The following PPARGC1A variants were observed in gnomAD, a reference collection of about 807,000 sequenced individuals.
The protein encoded by PPARGC1A is peroxisome proliferator-activated receptor gamma coactivator 1-alpha.
A neutral mutation model predicts 88.7 loss-of-function variants in PPARGC1A; 25 were observed. The observed-to-expected ratio is 0.28, with a 90% CI of 0.21 to 0.39. The LOEUF (loss-of-function observed/expected upper bound fraction) is 0.39, where lower values mean the gene tolerates loss of function less well. Among genes scored for constraint, PPARGC1A ranks in the 10% least tolerant of loss-of-function variants. The pLI is 1.00. For missense variants in PPARGC1A, 880 were observed against 968.7 expected (o/e 0.91, Z 1.22); for synonymous variants, 363 against 355.6 (o/e 1.02, Z -0.24).
At chr4:23,900,147 T>G (rs952960649), upstream of PPARGC1A, among the ~76,000 whole-genome samples, 2 of 152,180 alleles carry the variant, frequency 1.3e-5, no homozygotes, top group Non-Finnish European at 2.9e-5. Flanking sequence ...ACAAAGCCAC[T>G]TTAAGTTTCT....
At chr4:24,283,796 G>C in the PPARGC1A span, among the ~76,000 whole-genome samples, 11 of 152,262 alleles carry the variant, frequency 7.2e-5, no homozygotes, top group East Asian at 1.9e-4. Context: ...CTTCAGCTCT[G>C]TACACACAGA....
chr4:24,169,281 G>A, the PPARGC1A span, among the ~76,000 whole-genome samples: 2 of 152,184 alleles, frequency 1.3e-5, no homozygotes, highest in Non-Finnish European at 2.9e-5. Context: ...AGCTGTCACA[G>A]ACAAGAGGAG....
the PPARGC1A span, among the ~76,000 whole-genome samples, chr4:24,292,258 C>T: frequency 2.0e-5 from 3 of 152,166 alleles, no homozygotes; most frequent in African/African-American, 7.2e-5. Context: ...CGAGAACTCT[C>T]GCGGGTTGCT....
At chr4:24,153,144 G>A in the PPARGC1A span, among the ~76,000 whole-genome samples, 2 of 152,122 alleles carry the variant, frequency 1.3e-5, no homozygotes, top group African/African-American at 2.4e-5. Context: ...CTATAGAGGA[G>A]CATAGAGTGT....
chr4:24,294,904 T>C, the PPARGC1A span, among the ~76,000 whole-genome samples: 1 of 152,166 alleles, frequency 6.6e-6, no homozygotes, highest in African/African-American at 2.4e-5. Flanking sequence ...GACAGTGCAA[T>C]AACCCAGCAC....
At chr4:24,152,927 C>G in the PPARGC1A span, among the ~76,000 whole-genome samples, 1 of 152,204 alleles carries the variant, frequency 6.6e-6, no homozygotes, top group South Asian at 2.1e-4. Context: ...TGTGCTAACA[C>G]TTCTGTTCAA....
At chr4:23,825,132 C>CT (rs982089098) in intron 5 of PPARGC1A, 76 of 152,186 alleles carry the variant, frequency 5.0e-4, no homozygotes, top group African/African-American at 1.8e-3. Context: ...TGCAAAGAGG[C>CT]TAACTACTGC....
the PPARGC1A span, among the ~76,000 whole-genome samples, chr4:23,987,807 T>C: frequency 6.6e-6 from 1 of 152,048 alleles, no homozygotes; most frequent in African/African-American, 2.4e-5. Context: ...ATTATTATTA[T>C]ACTTTAAGTT....
At chr4:24,413,240 A>T in the PPARGC1A span, among the ~76,000 whole-genome samples, 9 of 141,068 alleles carry the variant, frequency 6.4e-5, no homozygotes, top group South Asian at 2.2e-4. Context: ...GCCTGGCTTC[A>T]TTTTTTTTTT....
chr4:24,135,153 T>C, the PPARGC1A span, among the ~76,000 whole-genome samples: 3 of 152,132 alleles, frequency 2.0e-5, no homozygotes, highest in East Asian at 5.8e-4. Context: ...TAATTGACTC[T>C]ATTAAAACTA....
At chr4:24,138,259 C>T in the PPARGC1A span, among the ~76,000 whole-genome samples, 4 of 152,188 alleles carry the variant, frequency 2.6e-5, no homozygotes, top group Non-Finnish European at 5.9e-5. Context: ...AGAACTCACC[C>T]ACAACCTGAG....
the PPARGC1A span, among the ~76,000 whole-genome samples, chr4:24,210,664 C>T: frequency 7.2e-5 from 11 of 152,226 alleles, no homozygotes; most frequent in African/African-American, 1.2e-4. Flanking sequence ...CATGTGGCCC[C>T]GTGCACTCCC....
chr4:24,470,313 C>CACAT, the PPARGC1A span, among the ~76,000 whole-genome samples: 2 of 147,480 alleles, frequency 1.4e-5, no homozygotes, highest in African/African-American at 5.2e-5. This position sits in a 1 kb window ranked among gnomAD's most constrained non-coding sequence, Gnocchi z 5.8. Context: ...CACACACACA[C>CACAT]ACACACACAC....
the PPARGC1A span, among the ~76,000 whole-genome samples, chr4:24,318,209 G>A: frequency 7.2e-5 from 11 of 152,302 alleles, no homozygotes; most frequent in South Asian, 1.2e-3. Context: ...GTATAGTGAC[G>A]AAAGCACTGA....
At chr4:24,309,677 G>A in the PPARGC1A span, among the ~76,000 whole-genome samples, 17 of 152,212 alleles carry the variant, frequency 1.1e-4, no homozygotes, top group African/African-American at 3.9e-4. Flanking sequence ...GAACTCCTGG[G>A]CTCAAGGGAT....
intron 10 of PPARGC1A, among the ~76,000 whole-genome samples, 161 bp downstream of exon 10, chr4:23,812,586 G>A (rs1721119290): frequency 6.6e-6 from 1 of 152,122 alleles, no homozygotes; most frequent in South Asian, 2.1e-4. Flanking sequence ...TTAGGTCAAT[G>A]GGGACCGAAG....
intron 7 of PPARGC1A, among the ~76,000 whole-genome samples, chr4:23,817,482 T>A (rs1722191859): frequency 6.6e-6 from 1 of 152,146 alleles, no homozygotes; most frequent in East Asian, 1.9e-4. Flanking sequence ...CAATCGATTT[T>A]AATAGAAAAG....
chr4:24,395,541 A>T, the PPARGC1A span, among the ~76,000 whole-genome samples: 2 of 152,272 alleles, frequency 1.3e-5, no homozygotes, highest in Non-Finnish European at 2.9e-5. Context: ...CTGGACATTA[A>T]TAAGTCTGTA....
the PPARGC1A span, among the ~76,000 whole-genome samples, chr4:24,208,876 T>G: frequency 3.3e-5 from 5 of 152,224 alleles, no homozygotes; most frequent in South Asian, 1.0e-3. Context: ...TGTTTTCTTC[T>G]TTATGCTTTA....
Sources: allele counts gnomAD v4.1 joint callset (sites outside exome capture counted in the v4.1 genomes callset), GRCh38; gene constraint gnomAD v4.1.1; non-coding constraint Gnocchi (gnomAD v3.1); transcripts MANE v1.5; gene names NCBI Gene and HGNC (gene_info 2026-07-23, HGNC 2026-07-21).